MRPL19: variants seen among roughly 807,000 people sequenced by gnomAD.
MRPL19 encodes the protein mitochondrial ribosomal protein L19.
A neutral mutation model predicts 34.0 loss-of-function variants in MRPL19; 31 were observed. That is an observed-to-expected ratio of 0.91 (90% CI 0.68 to 1.23). The LOEUF (loss-of-function observed/expected upper bound fraction) is 1.23, where lower values mean the gene tolerates loss of function less well. MRPL19 is among the 50% of genes most tolerant of loss of function. The pLI is 0.00. For synonymous variants in MRPL19, 152 were observed against 127.7 expected (o/e 1.19, Z -1.28); for missense variants, 384 against 367.6 (o/e 1.04, Z -0.37).
At chr2:75,649,870 C>T (rs1367689307) in intron 2 of MRPL19, among the ~76,000 whole-genome samples, 4 of 152,016 alleles carry the variant, frequency 2.6e-5, no homozygotes, top group Admixed American at 1.3e-4. Context: ...TGGGCTCAAA[C>T]GATCTACCCT....
In MRPL19 at chr2:75,655,452, A is replaced by G. The variant is rs1473812856; in HGVS notation, c.*167A>G. ...AATAAAACTTGTACACCAGTTTATT[A>G]CTCTAAAAAGAGAATTACACATGCC... On this transcript the variant is annotated 3_prime_UTR_variant, in exon 6 of 6. Transcript: ENST00000393909. 1.3e-5 allele frequency: 7 copies of G among 558,146 alleles called. No individual in the cohort carries two copies. The highest frequency in any genetic ancestry group is 2.2e-5 in the Non-Finnish European group (7 of 325,128). The allele number at this position is 558,146 out of a possible 1,614,324, so 34.6% of individuals were successfully genotyped here.
rs1678518970 is a variant in MRPL19 at position 75,658,532 on chromosome 2, C to G, written c.*3247C>G. ...TGGGTATACATCTTGAGTAGAATTG[C>G]TAGATAATGTCATGTTTTATTTCTC... is the stretch of plus-strand genomic sequence containing the variant. On this transcript the variant is annotated 3_prime_UTR_variant, in exon 6 of 6. Coordinates refer to ENST00000393909, the MANE Select transcript of MRPL19 (RefSeq NM_014763.4). 6.6e-6 allele frequency among the ~76,000 whole-genome samples: 1 copy of G among 152,072 alleles called. No homozygotes were observed. The highest frequency in any genetic ancestry group is 1.5e-5 in the Non-Finnish European group (1 of 67,998).
chr2:75,647,416 T>G (rs1258501075), intron 2 of MRPL19, 197 bp downstream of exon 2: 10 of 565,278 alleles, frequency 1.8e-5, no homozygotes, highest in Non-Finnish European at 3.1e-5. Context: ...TTCTTTGCAG[T>G]TTTATTGAGT....
At chr2:75,650,740 C>T (rs79874767) in intron 2 of MRPL19, among the ~76,000 whole-genome samples, 2 of 151,716 alleles carry the variant, frequency 1.3e-5, no homozygotes, top group Non-Finnish European at 2.9e-5. Context: ...AGAGAAGAGA[C>T]GAGGAGGGGG....
intron 2 of MRPL19, 152 bp from the exon 3 acceptor site, chr2:75,651,990 G>A: frequency 2.0e-6 from 1 of 502,842 alleles, no homozygotes. Context: ...ATTTTCATGA[G>A]CATTAACAAT....
Position 75,655,416 on chromosome 2 carries a change from T to C in MRPL19, c.*131T>C. The C allele has an allele frequency of 1.4e-6, 1 of 694,586 alleles. No individual in the cohort carries two copies. The highest frequency in any genetic ancestry group is 2.3e-6 in the Non-Finnish European group (1 of 432,554). The allele number at this position is 694,586 out of a possible 1,614,324, so 43.0% of individuals were successfully genotyped here. ...TAAGCATTCATTGTTTTATTAATAC[T>C]TTTTTTCTAAAATAAAACTTGTACA... On this transcript the variant is annotated 3_prime_UTR_variant, in exon 6 of 6. Coordinates refer to ENST00000393909, the MANE Select transcript of MRPL19 (RefSeq NM_014763.4).
intron 2 of MRPL19, among the ~76,000 whole-genome samples, chr2:75,651,080 T>C (rs1678322467): frequency 6.6e-6 from 1 of 152,224 alleles, no homozygotes; most frequent in South Asian, 2.1e-4. Flanking sequence ...GAATGTATCA[T>C]GGCCTTAAGA....
intron 2 of MRPL19, chr2:75,647,668 T>C (rs1037652137): frequency 6.5e-6 from 1 of 154,698 alleles, no homozygotes; most frequent in Non-Finnish European, 1.4e-5. Flanking sequence ...CTAAATTGTG[T>C]CTGAAACTTA....
rs1206419666 is a variant in MRPL19 at position 75,647,183 on chromosome 2, T to C, written c.185T>C (p.Ile62Thr). 1.3e-6 allele frequency: 2 copies of C among 1,581,194 alleles called. No individual in the cohort carries two copies. The highest frequency in any genetic ancestry group is 1.8e-5 in the Admixed American group (1 of 55,826). Reference protein sequence around the residue: ...GAFQPPPKPVIVDKHRPVEPE... With the variant: ...GAFQPPPKPVTVDKHRPVEPE... ...TTCCAACCGCCGCCGAAACCGGTCA[T>C]CGTGGACAAGCACCGCCCCGTGGAA... The change falls in exon 2 of 6, where the codon ATC (isoleucine) becomes ACC (threonine). Residue 62 changes from isoleucine to threonine, a missense_variant. Physicochemically the swap from Ile to Thr is moderately conservative, Grantham distance 89 (BLOSUM62 -1). Transcript: ENST00000393909.
intron 2 of MRPL19, chr2:75,651,260 A>G: frequency 2.1e-6 from 1 of 485,998 alleles, no homozygotes; most frequent in South Asian, 1.5e-5. Context: ...CAAGGAAGAG[A>G]AAATGGTTCA....
chr2:75,655,881 GAAA>G lies in MRPL19; in HGVS notation c.*604_*606del, dbSNP rs72381357. ...CAATATATTTAATTTTGAAAAACCT[GAAA>G]AAAAAAACCTGTTAGCAAGTATAAA... is the stretch of plus-strand genomic sequence containing the variant. On this transcript the variant is annotated 3_prime_UTR_variant, in exon 6 of 6. Coordinates refer to ENST00000393909, the MANE Select transcript of MRPL19 (RefSeq NM_014763.4). 6.7e-6 allele frequency: 1 copy of G among 149,380 alleles called. No homozygotes were observed. The highest frequency in any genetic ancestry group is 2.4e-5 in the African/African-American group (1 of 40,830). The allele number at this position is 149,380 out of a possible 1,614,324, so 9.3% of individuals were successfully genotyped here.
In MRPL19 at chr2:75,656,607, G is replaced by A. The variant is rs1450790401; in HGVS notation, c.*1322G>A. 2 of 152,084 alleles carry A rather than the reference G, an allele frequency of 1.3e-5. No homozygotes were observed. Among genetic ancestry groups the A allele is most frequent in the East Asian group, 3.8e-4 (2 of 5,200 alleles). The allele number at this position is 152,084 out of a possible 1,614,324, so 9.4% of individuals were successfully genotyped here. A position where few individuals can be genotyped will look rare whatever the true frequency, so the allele number is the denominator to read the frequency against. On this transcript the variant is annotated 3_prime_UTR_variant, in exon 6 of 6. Transcript: ENST00000393909. ...GATACTTTATACGTTTAGGTAGGAG[G>A]TAATTTTCCTTCAGGACTTTAAAAA...
chr2:75,650,726 C>T (rs1678314659), intron 2 of MRPL19, among the ~76,000 whole-genome samples: 1 of 151,928 alleles, frequency 6.6e-6, no homozygotes, highest in African/African-American at 2.4e-5. Context: ...GAGCGGTAAA[C>T]AGAAGAGAAG....
Position 75,661,814 on chromosome 2 carries a change from T to A in MRPL19, c.*6529T>A, listed in dbSNP as rs538287687. On this transcript the variant is annotated 3_prime_UTR_variant, in exon 6 of 6. Transcript: ENST00000393909. ...TTGGGATGTCTGGCCAACTAATGAC[T>A]ATCTTAACTCTTGTGTTTCAATGTT... The A allele has an allele frequency of 6.6e-6, 1 of 152,352 alleles. No individual in the cohort carries two copies. Among genetic ancestry groups the A allele is most frequent in the Admixed American group, 6.5e-5 (1 of 15,304 alleles). The allele number at this position is 152,352 out of a possible 1,614,324, so 9.4% of individuals were successfully genotyped here.
rs998498412 is a variant in MRPL19, at chr2:75,655,175, G to T, written c.769G>T (p.Ala257Ser). The change falls in exon 6 of 6, where the codon GCT (alanine) becomes TCT (serine). Residue 257 changes from alanine to serine, a missense_variant. Ala to Ser is a moderately conservative substitution (Grantham distance 99). Transcript: ENST00000393909. The part of the protein sequence containing the change: ...LCLTEQQMKE[A>S]QKWNQPWLEF... ...TTTAACTGAACAGCAAATGAAAGAA[G>T]CTCAGAAGTGGAATCAGCCATGGCT... 6.2e-7 allele frequency: 1 copy of T among 1,612,876 alleles called. No individual in the cohort carries two copies. Among genetic ancestry groups the T allele is most frequent in the Non-Finnish European group, 8.5e-7 (1 of 1,179,462 alleles).
Position 75,658,574 on chromosome 2 carries a change from G to A in MRPL19, c.*3289G>A, listed in dbSNP as rs1165367682. On this transcript the variant is annotated 3_prime_UTR_variant, in exon 6 of 6. Transcript: ENST00000393909. ...TTATTTCTCTTGTGATTTCTTCTTCGATCCCCTGGTTGAGTGTGTTAATTT... is the reference window on the plus strand; with the variant it reads ...TTATTTCTCTTGTGATTTCTTCTTCAATCCCCTGGTTGAGTGTGTTAATTT... Among the ~76,000 whole-genome samples the A allele has an allele frequency of 6.6e-6, 1 of 151,986 alleles. No homozygotes were observed. The highest frequency in any genetic ancestry group is 2.4e-5 in the African/African-American group (1 of 41,374).
chr2:75,653,973 C>T, intron 4 of MRPL19, among the ~76,000 whole-genome samples: 1 of 152,158 alleles, frequency 6.6e-6, no homozygotes, highest in Non-Finnish European at 1.5e-5. Context: ...TCCATGTCAC[C>T]ATCATCTGCT....
chr2:75,654,488 T>C (rs1223206730), intron 4 of MRPL19, among the ~76,000 whole-genome samples: 1 of 152,210 alleles, frequency 6.6e-6, no homozygotes, highest in Non-Finnish European at 1.5e-5. Flanking sequence ...TCAACATATT[T>C]CTAGAAGCCA....
rs760952672 is a variant in MRPL19 at position 75,655,592 on chromosome 2, ATTTT to A, written c.*314_*317del. The A allele has an allele frequency of 9.6e-5, 20 of 208,976 alleles. No individual in the cohort carries two copies. Among genetic ancestry groups the A allele is most frequent in the Non-Finnish European group, 1.6e-4 (17 of 106,588 alleles). The allele number at this position is 208,976 out of a possible 1,614,324, so 12.9% of individuals were successfully genotyped here. On this transcript the variant is annotated 3_prime_UTR_variant, in exon 6 of 6. Coordinates refer to ENST00000393909, the MANE Select transcript of MRPL19 (RefSeq NM_014763.4). ...TGAGCAAAGGGAATAGGTGGGATGA[ATTTT>A]TTTTTTAATTGTGAAACAATTCATA...
Sources: gnomAD v4.1 joint callset for allele counts (sites outside exome capture counted in the v4.1 genomes callset) on GRCh38, gnomAD v4.1.1 for gene constraint, MANE v1.5 for transcripts, NCBI Gene and HGNC (gene_info 2026-07-23, HGNC 2026-07-21) for gene names.